Variants in MGST1 observed in about 807,000 individuals in gnomAD.
The protein encoded by MGST1 is glutathione S-transferase 12.
A neutral mutation model predicts 8.9 loss-of-function variants in MGST1; 5 were observed. The ratio of observed to expected loss-of-function variants is 0.56; its 90% CI spans 0.29 to 1.19. The LOEUF is 1.19. Among genes scored for constraint, MGST1 ranks in the 50% most tolerant of loss-of-function variants. MGST1 has a pLI of 0.08. For synonymous variants in MGST1, 54 were observed against 67.8 expected, an observed-to-expected ratio of 0.80 and a Z score of 1.00; for missense variants, 182 against 187.4, an observed-to-expected ratio of 0.97 and a Z score of 0.17.
chr12:16,364,449 A>G, downstream of MGST1: 4 of 964,228 alleles, frequency 4.1e-6, no homozygotes, highest in Non-Finnish European at 4.9e-6. The surrounding 1 kb of genome is among the most constrained non-coding windows in gnomAD (Gnocchi z 5.7). Flanking sequence ...TTTATTTTCA[A>G]AAGTTTCAAA....
rs933109841 is a variant in MGST1 at position 16,559,227 on chromosome 12, G to C, written n.483-30301G>C. ...TATCAAGTGTTCTAATTTTTGAAATGTTGTATTTTTAATACGTACATTTTA... is the reference window on the plus strand; with the variant it reads ...TATCAAGTGTTCTAATTTTTGAAATCTTGTATTTTTAATACGTACATTTTA... On this transcript the variant is annotated intron_variant and non_coding_transcript_variant, in intron 4 of 4. Coordinates refer to the MGST1 transcript ENST00000538857. The surrounding 1 kb of genome is among the most constrained non-coding windows in gnomAD (Gnocchi z 4.1). Among the ~76,000 whole-genome samples, 1 of 152,094 alleles carries C rather than the reference G, an allele frequency of 6.6e-6. No homozygotes were observed. Among genetic ancestry groups the C allele is most frequent in the African/African-American group, 2.4e-5 (1 of 41,408 alleles).
rs770281652 is a variant in MGST1, at chr12:16,551,213, G to GTTGA, written n.483-38313_483-38310dup. ...TGCTTTGTATTCTTAATGGGGTGAT[G>GTTGA]TTGATAGATCAGCGAACCTGGGGTG... On this transcript the variant is annotated intron_variant and non_coding_transcript_variant, in intron 4 of 4. Coordinates refer to the MGST1 transcript ENST00000538857. 18 of 1,529,540 alleles carry GTTGA rather than the reference G, an allele frequency of 1.2e-5. No homozygotes were observed. In the East Asian group the frequency reaches 3.8e-4, roughly 33 times the overall value. 94.7% of individuals were successfully genotyped at this position (1,529,540 alleles called of 1,614,324 possible).
intron 4 of MGST1, among the ~76,000 whole-genome samples, chr12:16,518,600 G>A (rs1451403552): frequency 6.6e-6 from 1 of 152,150 alleles, no homozygotes. Context: ...GCAACAAGGA[G>A]ACTATCTGAA....
In MGST1 at chr12:16,576,353, C is replaced by T. The variant is rs1183699581; in HGVS notation, n.483-13175C>T. Among the ~76,000 whole-genome samples the T allele has an allele frequency of 6.6e-6, 1 of 152,184 alleles. No individual in the cohort carries two copies. The highest frequency in any genetic ancestry group is 1.5e-5 in the Non-Finnish European group (1 of 68,024). ...CCCAATGTGCTGTCTACTCCCTGGA[C>T]TCAGCATCTACTTTCACACCTGATG... is the stretch of plus-strand genomic sequence containing the variant. On this transcript the variant is annotated intron_variant and non_coding_transcript_variant, in intron 4 of 4. Transcript: ENST00000538857. The surrounding 1 kb of genome is among the most constrained non-coding windows in gnomAD (Gnocchi z 4.1).
At chr12:16,506,702 T>C (rs542241716) in intron 4 of MGST1, among the ~76,000 whole-genome samples, 2 of 152,266 alleles carry the variant, frequency 1.3e-5, no homozygotes, top group East Asian at 3.9e-4. Context: ...CATGGCAAAG[T>C]TGAATAGTTG....
At chr12:16,432,141 C>T (rs1342264370) in intron 1 of MGST1, among the ~76,000 whole-genome samples, 1 of 152,072 alleles carries the variant, frequency 6.6e-6, no homozygotes, top group Non-Finnish European at 1.5e-5. Context: ...TTCACATTAT[C>T]TTAGATGTAT....
At chr12:16,390,447 C>G (rs2137051428) in intron 1 of MGST1, among the ~76,000 whole-genome samples, 1 of 152,276 alleles carries the variant, frequency 6.6e-6, no homozygotes, top group Middle Eastern at 3.4e-3. Context: ...CTCCCTCCTG[C>G]CACCCTCCAC....
intron 4 of MGST1, among the ~76,000 whole-genome samples, chr12:16,476,950 C>A (rs1248649671): frequency 6.6e-6 from 1 of 152,082 alleles, no homozygotes; most frequent in Non-Finnish European, 1.5e-5. Context: ...TAATCTTGAG[C>A]CAATCAGTCT....
At chr12:16,374,302 A>G (rs1022677667) in intron 3 of MGST1, among the ~76,000 whole-genome samples, 3 of 152,126 alleles carry the variant, frequency 2.0e-5, no homozygotes, top group Admixed American at 2.0e-4. Flanking sequence ...TTTATATTGC[A>G]CACATATAAT....
chr12:16,414,629 A>G (rs1272271724), intron 1 of MGST1, among the ~76,000 whole-genome samples: 2 of 151,692 alleles, frequency 1.3e-5, no homozygotes, highest in East Asian at 3.9e-4. Context: ...GTTAGCCAGG[A>G]TAGTCTCCAT....
chr12:16,502,799 CT>C (rs1461743350), intron 4 of MGST1, among the ~76,000 whole-genome samples: 1 of 152,144 alleles, frequency 6.6e-6, no homozygotes, highest in East Asian at 1.9e-4. Flanking sequence ...ATATAAATTG[CT>C]TGTTTAGAAC....
intron 4 of MGST1, among the ~76,000 whole-genome samples, chr12:16,511,607 C>T (rs572478321): frequency 7.6e-4 from 116 of 152,222 alleles, no homozygotes; most frequent in Non-Finnish European, 1.3e-3. Context: ...CTTTATGCTC[C>T]CTTTAGGCTA....
chr12:16,400,544 G>T, intron 1 of MGST1: 3 of 872,180 alleles, frequency 3.4e-6, no homozygotes, highest in Non-Finnish European at 5.9e-6. Flanking sequence ...TAACGTTTCT[G>T]TACTTCTTTA....
At chr12:16,577,768 T>C (rs1943039145) in intron 4 of MGST1, among the ~76,000 whole-genome samples, 1 of 152,174 alleles carries the variant, frequency 6.6e-6, no homozygotes, top group Admixed American at 6.5e-5. Flanking sequence ...AATGGCTCCA[T>C]CTCACCAACA....
At chr12:16,409,157 T>C (rs1011609687) in intron 1 of MGST1, among the ~76,000 whole-genome samples, 1 of 152,196 alleles carries the variant, frequency 6.6e-6, no homozygotes, top group African/African-American at 2.4e-5. Context: ...TTGTTTATGA[T>C]ACCTAGTTTC....
chr12:16,552,773 C>T (rs1942038403), intron 4 of MGST1, among the ~76,000 whole-genome samples: 1 of 152,014 alleles, frequency 6.6e-6, no homozygotes, highest in Non-Finnish European at 1.5e-5. Context: ...ATACAATGAA[C>T]ATTCAAGTTT....
Position 16,548,663 on chromosome 12 carries a change from G to C in MGST1, n.483-40865G>C, listed in dbSNP as rs957681556. The C allele has an allele frequency of 6.6e-6, 1 of 152,106 alleles. No individual in the cohort carries two copies. Among genetic ancestry groups the C allele is most frequent in the Non-Finnish European group, 1.5e-5 (1 of 68,016 alleles). 9.4% of individuals were successfully genotyped at this position (152,106 alleles called of 1,614,324 possible). On this transcript the variant is annotated intron_variant and non_coding_transcript_variant, in intron 4 of 4. Transcript: ENST00000538857. The surrounding 1 kb of genome is among the most constrained non-coding windows in gnomAD (Gnocchi z 4.2). The stretch of plus-strand genomic sequence containing the variant: ...TGACGTTAGGGCTACACAACACAAA[G>C]GGGAAAGTTGACAACAATTCAGGGG...
At chr12:16,470,522 G>A (rs890567843) in intron 4 of MGST1, among the ~76,000 whole-genome samples, 5 of 152,232 alleles carry the variant, frequency 3.3e-5, no homozygotes, top group South Asian at 2.1e-4. Context: ...CACTGGTTTC[G>A]GGAAGAAGGC....
At chr12:16,452,049 A>C (rs1177258975) in intron 4 of MGST1, among the ~76,000 whole-genome samples, 1 of 151,896 alleles carries the variant, frequency 6.6e-6, no homozygotes, top group African/African-American at 2.4e-5. Context: ...GTGGCTATAA[A>C]GCAATGGTAT....
Sources: gnomAD v4.1 joint callset for allele counts (sites outside exome capture counted in the v4.1 genomes callset) on GRCh38, gnomAD v4.1.1 for gene constraint, Gnocchi (gnomAD v3.1) non-coding constraint, MANE v1.5 for transcripts, NCBI Gene and HGNC (gene_info 2026-07-23, HGNC 2026-07-21) for gene names.